The following ZMYND15 variants were observed in gnomAD, a reference collection of about 807,000 sequenced individuals.
The protein encoded by ZMYND15 is zinc finger MYND-type containing 15.
Under a neutral mutation model 81.7 loss-of-function variants are expected in ZMYND15, and 54 were observed. That is an observed-to-expected ratio of 0.66 (90% CI 0.53 to 0.83). The LOEUF (loss-of-function observed/expected upper bound fraction) is 0.83, where lower values mean the gene tolerates loss of function less well. Ranked by LOEUF, ZMYND15 falls within the 40% of genes least tolerant of loss-of-function variation. The pLI, the probability that ZMYND15 is intolerant of heterozygous loss-of-function variation, is 0.00. For synonymous variants in ZMYND15, 399 were observed against 387.0 expected (o/e 1.03, Z -0.36); for missense variants, 925 against 973.5 (o/e 0.95, Z 0.66).
In ZMYND15 at chr17:4,744,880, C is replaced by T. The variant is rs61743945; in HGVS notation, c.1848C>T (p.Ser616=). ...CCTCTCTGTCTGCAGGATTTAACTC[C>T]GGGTTTGCTCTCAAGGATACGTGGC... ...PKPDLVIGFN[S]GFALKDTWLR... The change falls in exon 12 of 14, where the codon TCC becomes TCT. Residue 616 remains serine, a synonymous_variant. Transcript: ENST00000433935. This position sits in a 1 kb window ranked among gnomAD's most constrained non-coding sequence, Gnocchi z 4.1. 7.3e-3 allele frequency: 11,823 copies of T among 1,614,076 alleles called. 148 individuals are homozygous for T. The highest frequency in any genetic ancestry group is 0.058 in the Middle Eastern group (353 of 6,062).
In ZMYND15 at chr17:4,744,859, T is replaced by C. The variant is rs1639514883; in HGVS notation, c.1838-11T>C. The C allele has an allele frequency of 6.2e-7, 1 of 1,613,970 alleles. No homozygotes were observed. The highest frequency in any genetic ancestry group is 1.3e-5 in the African/African-American group (1 of 74,886). On this transcript the variant is annotated splice_polypyrimidine_tract_variant and intron_variant, in intron 11 of 13. Transcript: ENST00000433935. The surrounding 1 kb of genome is among the most constrained non-coding windows in gnomAD (Gnocchi z 4.1). ...CGTGGGAGCCAGCTTCTCCCTCCTC[T>C]CTGTCTGCAGGATTTAACTCCGGGT...
At position 4,741,901 on chromosome 17, in the gene ZMYND15, C is replaced by G. The variant is rs148386970; in HGVS notation, c.828-14C>G. The G allele has an allele frequency of 1.4e-4, 230 of 1,612,216 alleles. No individual in the cohort carries two copies. In the East Asian group the frequency reaches 1.5e-3, roughly 11 times the overall value. ...CCTCCAGCCTGATGCCATCTCCCCC[C>G]CAACTGCATTTAGAGAGCTGGAGAG... On this transcript the variant is annotated splice_polypyrimidine_tract_variant and intron_variant, in intron 3 of 13. Transcript: ENST00000433935.
In ZMYND15 at chr17:4,740,850, G is replaced by A; in HGVS notation, c.302G>A (p.Ser101Asn). 1 of 1,576,996 alleles carries A rather than the reference G, an allele frequency of 6.3e-7. No individual in the cohort carries two copies. Among genetic ancestry groups the A allele is most frequent in the Middle Eastern group, 1.7e-4 (1 of 5,880 alleles). Residue 101 changes from serine to asparagine, a missense_variant, in exon 2 of 14, where the codon AGC becomes AAC. Physicochemically the swap from Ser to Asn is conservative, Grantham distance 46 (BLOSUM62 1). Transcript: ENST00000433935. Reference protein sequence around the residue: ...DNPPLHLRDLSPYISFVSLED... With the variant: ...DNPPLHLRDLNPYISFVSLED... The stretch of plus-strand genomic sequence containing the variant: ...CCTCCACTCCACCTGCGAGACCTGA[G>A]CCCCTACATCAGCTTTGTCAGCCTA...
Position 4,740,990 on chromosome 17 carries a change from G to T in ZMYND15, c.442G>T (p.Ala148Ser). 1.9e-6 allele frequency: 3 copies of T among 1,559,424 alleles called. No individual in the cohort carries two copies. Among genetic ancestry groups the T allele is most frequent in the Non-Finnish European group, 2.6e-6 (3 of 1,151,094 alleles). ...GGAACCAGAGGAGGACCGGGAGCTA[G>T]CCCCTACCAGCAGGGAGTCCCCCCA... Reference protein sequence around the residue: ...KVEPEEDRELAPTSRESPQET... With the variant: ...KVEPEEDRELSPTSRESPQET... The change falls in exon 2 of 14, where the codon GCC (alanine) becomes TCC (serine). Residue 148 changes from alanine (A) to serine (S), a missense_variant. Ala to Ser is a moderately conservative substitution (Grantham distance 99). Transcript: ENST00000433935.
chr17:4,743,832 C>A lies in ZMYND15; in HGVS notation c.1363C>A (p.Pro455Thr). 1.9e-6 allele frequency: 3 copies of A among 1,613,986 alleles called. No individual in the cohort carries two copies. Among genetic ancestry groups the A allele is most frequent in the Non-Finnish European group, 1.7e-6 (2 of 1,179,992 alleles). ...ALMPPVPPHP[P>T]RGVFGSWQDY... ...GATGCCTCCTGTGCCCCCACATCCA[C>A]CCCGGGGTGTTTTTGGTGAGCTGGA... is the stretch of plus-strand genomic sequence containing the variant. Residue 455 changes from proline to threonine, a missense_variant, in exon 7 of 14, where the codon CCC becomes ACC. By Grantham distance (38) the Pro-to-Thr change is conservative (BLOSUM62 -1). Coordinates refer to ENST00000433935, the MANE Select transcript of ZMYND15 (RefSeq NM_001136046.3). The surrounding 1 kb of genome is among the most constrained non-coding windows in gnomAD (Gnocchi z 4.3).
At chr17:4,742,934 G>T (rs543271765) in intron 5 of ZMYND15, among the ~76,000 whole-genome samples, 1 of 152,236 alleles carries the variant, frequency 6.6e-6, no homozygotes, top group South Asian at 2.1e-4. Context: ...TTAGAACCAG[G>T]GTCCTCGCGG....
intron 1 of ZMYND15, 31 bp from the exon 2 acceptor site, chr17:4,740,488 T>C: frequency 6.6e-7 from 1 of 1,510,358 alleles, no homozygotes; most frequent in Non-Finnish European, 8.9e-7. Context: ...TGCTCTCCTG[T>C]CCCTCACCAT....
chr17:4,743,928 G>A lies in ZMYND15; in HGVS notation c.1379-63G>A, dbSNP rs1486971532. 6.3e-7 allele frequency: 1 copy of A among 1,576,978 alleles called. No individual in the cohort carries two copies. The highest frequency in any genetic ancestry group is 1.3e-5 in the African/African-American group (1 of 74,170). ...GAGCCTGGGTGGCTGTGAAGAAGAG[G>A]TTTGTTAGACTAGAGGGGGTGGGGG... is the stretch of plus-strand genomic sequence containing the variant. On this transcript the variant is annotated intron_variant, in intron 7 of 13. Coordinates refer to ENST00000433935, the MANE Select transcript of ZMYND15 (RefSeq NM_001136046.3). This position sits in a 1 kb window ranked among gnomAD's most constrained non-coding sequence, Gnocchi z 4.3.
chr17:4,744,504 C>G lies in ZMYND15; in HGVS notation c.1683+37C>G. 2 of 1,613,012 alleles carry G rather than the reference C, an allele frequency of 1.2e-6. No homozygotes were observed. The highest frequency in any genetic ancestry group is 1.7e-6 in the Non-Finnish European group (2 of 1,179,194). ...GGGGGCCCTGCTTTTCAGCCCTGACCCCTCCAGTGACCTCCTGGTTGGGTC... is the reference window on the plus strand; with the variant it reads ...GGGGGCCCTGCTTTTCAGCCCTGACGCCTCCAGTGACCTCCTGGTTGGGTC... On this transcript the variant is annotated intron_variant, in intron 10 of 13. Coordinates refer to ENST00000433935, the MANE Select transcript of ZMYND15 (RefSeq NM_001136046.3). The surrounding 1 kb of genome is among the most constrained non-coding windows in gnomAD (Gnocchi z 4.1).
rs1311188895 is a variant in ZMYND15 at position 4,745,322 on chromosome 17, C to G, written c.2004C>G (p.Pro668=). Residue 668 remains proline (P), a synonymous_variant, in exon 13 of 14, where the codon CCC becomes CCG. Transcript: ENST00000433935. The surrounding 1 kb of genome is among the most constrained non-coding windows in gnomAD (Gnocchi z 5.2). ...GAGGGGGCACCAGCCCTCCCCAGCC[C>G]AACCCCTTCCGCTCCCCCTTTCGCC... ...ATGGGTSPPQ[P]NPFRSPFRLR... is the part of the protein sequence containing the mutation. 2 of 1,612,706 alleles carry G rather than the reference C, an allele frequency of 1.2e-6. No individual in the cohort carries two copies.
chr17:4,743,725 G>C lies in ZMYND15; in HGVS notation c.1298-42G>C. The C allele has an allele frequency of 6.4e-7, 1 of 1,570,486 alleles. No homozygotes were observed. Among genetic ancestry groups the C allele is most frequent in the Non-Finnish European group, 8.7e-7 (1 of 1,152,620 alleles). On this transcript the variant is annotated intron_variant, in intron 6 of 13. Transcript: ENST00000433935. This position sits in a 1 kb window ranked among gnomAD's most constrained non-coding sequence, Gnocchi z 4.3. ...GGAAGAAAGAGATGGGTCAGGTGGG[G>C]GTCTCCCTGACCCCAGGCCCCTCCT...
Position 4,740,229 on chromosome 17 carries a change from A to G in ZMYND15, c.-31+179A>G, listed in dbSNP as rs995635745. 3 of 549,158 alleles carry G rather than the reference A, an allele frequency of 5.5e-6. No homozygotes were observed. The African/African-American group carries it at 6.0e-5, about 11-fold the overall frequency. The allele number at this position is 549,158 out of a possible 1,614,324, so 34.0% of individuals were successfully genotyped here. Reference sequence around the variant, plus strand: ...TAGCCCTCTCTCCTCTCTAGCCTTAATTTAAACTCTGCTTTTGAGGGTGTG... The same window carrying G: ...TAGCCCTCTCTCCTCTCTAGCCTTAGTTTAAACTCTGCTTTTGAGGGTGTG... On this transcript the variant is annotated intron_variant, in intron 1 of 13. Coordinates refer to ENST00000433935, the MANE Select transcript of ZMYND15 (RefSeq NM_001136046.3).
intron 5 of ZMYND15, 100 bp downstream of exon 5, chr17:4,742,591 G>A: frequency 6.8e-7 from 1 of 1,476,258 alleles, no homozygotes. Flanking sequence ...TGAAGGCTGA[G>A]TGTCTGGGGC....
Position 4,744,179 on chromosome 17 carries a change from T to G in ZMYND15, c.1496-11T>G, listed in dbSNP as rs939778268. The G allele has an allele frequency of 1.9e-6, 3 of 1,613,586 alleles. No individual in the cohort carries two copies. The South Asian group carries it at 3.3e-5, about 18-fold the overall frequency. ...TGGACCACATCCTTAAAGCGCTGGTTTTTCACCCAGTCCCTGAGCTCAACA... is the reference window on the plus strand; with the variant it reads ...TGGACCACATCCTTAAAGCGCTGGTGTTTCACCCAGTCCCTGAGCTCAACA... On this transcript the variant is annotated splice_polypyrimidine_tract_variant and intron_variant, in intron 8 of 13. Transcript: ENST00000433935. This position sits in a 1 kb window ranked among gnomAD's most constrained non-coding sequence, Gnocchi z 4.1.
chr17:4,743,236 C>G lies in ZMYND15; in HGVS notation c.1145-67C>G. 2.1e-6 allele frequency: 3 copies of G among 1,428,554 alleles called. No individual in the cohort carries two copies. Among genetic ancestry groups the G allele is most frequent in the Non-Finnish European group, 2.8e-6 (3 of 1,063,558 alleles). 88.5% of individuals were successfully genotyped at this position (1,428,554 alleles called of 1,614,324 possible). A position where few individuals can be genotyped will look rare whatever the true frequency, so the allele number is the denominator to read the frequency against. On this transcript the variant is annotated intron_variant, in intron 5 of 13. Transcript: ENST00000433935. This position sits in a 1 kb window ranked among gnomAD's most constrained non-coding sequence, Gnocchi z 4.3. Reference sequence around the variant, plus strand: ...CTTGGGTGATAGAGCAAGACTCTGTCTCAAAAAAAAAAAAATGTCTGGGGT... The same window carrying G: ...CTTGGGTGATAGAGCAAGACTCTGTGTCAAAAAAAAAAAAATGTCTGGGGT...
chr17:4,741,850 C>G (rs1376255682), intron 3 of ZMYND15, 34 bp downstream of exon 3: 2 of 1,584,928 alleles, frequency 1.3e-6, no homozygotes, highest in Admixed American at 3.5e-5. Context: ...CTGGGGAGGA[C>G]TCGGGCCCTG....
rs920784197 is a variant in ZMYND15 at position 4,743,712 on chromosome 17, T to G, written c.1298-55T>G. 2.0e-6 allele frequency: 3 copies of G among 1,528,932 alleles called. No individual in the cohort carries two copies. In the African/African-American group the frequency reaches 4.2e-5, roughly 21 times the overall value. The allele number at this position is 1,528,932 out of a possible 1,614,324, so 94.7% of individuals were successfully genotyped here. On this transcript the variant is annotated intron_variant, in intron 6 of 13. Coordinates refer to ENST00000433935, the MANE Select transcript of ZMYND15 (RefSeq NM_001136046.3). This position sits in a 1 kb window ranked among gnomAD's most constrained non-coding sequence, Gnocchi z 4.3. Reference sequence around the variant, plus strand: ...AGCCCCTTTGGAAGGAAGAAAGAGATGGGTCAGGTGGGGGTCTCCCTGACC... The same window carrying G: ...AGCCCCTTTGGAAGGAAGAAAGAGAGGGGTCAGGTGGGGGTCTCCCTGACC...
Position 4,743,654 on chromosome 17 carries a change from C to T in ZMYND15, c.1298-113C>T. On this transcript the variant is annotated intron_variant, in intron 6 of 13. Transcript: ENST00000433935. This position sits in a 1 kb window ranked among gnomAD's most constrained non-coding sequence, Gnocchi z 4.3. ...GAAACCCCATCCCTATGCAAACCCC[C>T]ATTCCTCTTACTGCGGCTGTCTCAG... 1.5e-6 allele frequency: 2 copies of T among 1,295,334 alleles called. No individual in the cohort carries two copies. Among genetic ancestry groups the T allele is most frequent in the Non-Finnish European group, 2.1e-6 (2 of 944,346 alleles). 80.2% of individuals were successfully genotyped at this position (1,295,334 alleles called of 1,614,324 possible).
At position 4,744,259 on chromosome 17, in the gene ZMYND15, A is replaced by C. The variant is rs1916565767; in HGVS notation, c.1565A>C (p.Asp522Ala). Residue 522 changes from aspartate to alanine, a missense_variant, in exon 9 of 14, where the codon GAC becomes GCC. By Grantham distance (126) the Asp-to-Ala change is moderately radical. Coordinates refer to ENST00000433935, the MANE Select transcript of ZMYND15 (RefSeq NM_001136046.3). The surrounding 1 kb of genome is among the most constrained non-coding windows in gnomAD (Gnocchi z 4.1). ...GTGGTGGAGGCCGGGAAGGAGTTTG[A>C]CCTTGTCATGGTGTTTTGGGTAAGT... ...IHVVEAGKEF[D>A]LVMVFWELLV... is the part of the protein sequence containing the mutation. 1 of 1,613,654 alleles carries C rather than the reference A, an allele frequency of 6.2e-7. No individual in the cohort carries two copies. Among genetic ancestry groups the C allele is most frequent in the Admixed American group, 1.7e-5 (1 of 59,968 alleles).
Sources: allele counts gnomAD v4.1 joint callset (sites outside exome capture counted in the v4.1 genomes callset), GRCh38; gene constraint gnomAD v4.1.1; non-coding constraint Gnocchi (gnomAD v3.1); transcripts MANE v1.5; gene names NCBI Gene and HGNC (gene_info 2026-07-23, HGNC 2026-07-21).